The following NTN1 variants were observed in gnomAD, a reference collection of about 807,000 sequenced individuals.
The protein encoded by NTN1 is netrin-1.
NTN1 carries 11 observed loss-of-function variants against 54.2 expected under a neutral mutation model. That is an observed-to-expected ratio of 0.20 (90% CI 0.13 to 0.34). The LOEUF (loss-of-function observed/expected upper bound fraction) is 0.34. NTN1 is among the 10% of genes least tolerant of loss of function. The pLI, the probability that NTN1 is intolerant of heterozygous loss-of-function variation, is 1.00. For missense variants in NTN1, 740 were observed against 893.1 expected (o/e 0.83, Z 2.18); for synonymous variants, 371 against 382.0 (o/e 0.97, Z 0.33).
intron 2 of NTN1, among the ~76,000 whole-genome samples, chr17:9,150,054 T>C (rs2092322953): frequency 6.6e-6 from 1 of 152,018 alleles, no homozygotes. Context: ...ATACAAAAAT[T>C]AGCTCAGCAT....
chr17:9,109,203 T>A (rs997649104), intron 2 of NTN1, among the ~76,000 whole-genome samples: 3 of 152,228 alleles, frequency 2.0e-5, no homozygotes, highest in Non-Finnish European at 2.9e-5. Context: ...GACCTTTTTT[T>A]AAAATAATAA....
In NTN1 at chr17:9,239,350, C is replaced by T. The variant is rs1381163248; in HGVS notation, c.1487-290C>T. On this transcript the variant is annotated intron_variant, in intron 6 of 6. Coordinates refer to ENST00000173229, the MANE Select transcript of NTN1 (RefSeq NM_004822.3). This position sits in a 1 kb window ranked among gnomAD's most constrained non-coding sequence, Gnocchi z 5.2. ...CCCAGAGTGCTGGGGGCGTGGTCAG[C>T]ACCTGTAGGCTTCCTGGACAAAGTG... is the stretch of plus-strand genomic sequence containing the variant. Among the ~76,000 whole-genome samples, 1 of 152,212 alleles carries T rather than the reference C, an allele frequency of 6.6e-6. No individual in the cohort carries two copies. Among genetic ancestry groups the T allele is most frequent in the Non-Finnish European group, 1.5e-5 (1 of 68,028 alleles).
chr17:9,230,171 C>T (rs907547658), intron 6 of NTN1, among the ~76,000 whole-genome samples: 6 of 152,174 alleles, frequency 3.9e-5, no homozygotes, highest in Admixed American at 3.3e-4. Flanking sequence ...AGGTTATCAG[C>T]CCCTTTGTAG....
upstream of NTN1, among the ~76,000 whole-genome samples, chr17:9,019,078 G>A (rs2091837988): frequency 6.6e-6 from 1 of 152,140 alleles, no homozygotes; most frequent in Non-Finnish European, 1.5e-5. Context: ...GAAAGCTTAG[G>A]GACAAATTTG....
chr17:9,050,892 A>G (rs1380241156), intron 2 of NTN1, among the ~76,000 whole-genome samples: 1 of 152,136 alleles, frequency 6.6e-6, no homozygotes, highest in African/African-American at 2.4e-5. Context: ...CTGTGGTTCA[A>G]GCACCCAGAG....
chr17:9,064,248 C>T (rs1468708424), intron 2 of NTN1, among the ~76,000 whole-genome samples: 2 of 152,230 alleles, frequency 1.3e-5, no homozygotes, highest in Non-Finnish European at 2.9e-5. Flanking sequence ...CACTTCCTGG[C>T]CAGCCTTCTC....
intron 1 of NTN1, 42 bp from the exon 2 acceptor site, chr17:9,022,269 C>A (rs866532359): frequency 3.4e-6 from 4 of 1,185,796 alleles, no homozygotes; most frequent in African/African-American, 1.6e-5. Context: ...AGCTGGAGGG[C>A]GCGGGGCGGG....
At chr17:9,044,229 CG>C (rs2091933345) in intron 2 of NTN1, among the ~76,000 whole-genome samples, 1 of 98,192 alleles carries the variant, frequency 1.0e-5, no homozygotes, top group South Asian at 4.4e-4. Flanking sequence ...TTGCTGTTTC[CG>C]GTACTTTTTT....
At chr17:9,123,785 C>A (rs180880002) in intron 2 of NTN1, among the ~76,000 whole-genome samples, 1 of 152,236 alleles carries the variant, frequency 6.6e-6, no homozygotes, top group Admixed American at 6.5e-5. Context: ...ATTAAGTTTT[C>A]TCTTGGTTCC....
intron 5 of NTN1, among the ~76,000 whole-genome samples, chr17:9,197,982 C>T (rs971559817): frequency 2.6e-5 from 4 of 152,190 alleles, no homozygotes; most frequent in Admixed American, 2.0e-4. Context: ...ACTTACCCTT[C>T]CCTCTTCTTC....
chr17:9,006,853 T>C, the NTN1 span, among the ~76,000 whole-genome samples: 1 of 152,304 alleles, frequency 6.6e-6, no homozygotes, highest in East Asian at 1.9e-4. Context: ...AAGAAAGATA[T>C]ATTAGTAGCA....
intron 5 of NTN1, among the ~76,000 whole-genome samples, chr17:9,215,069 G>A (rs1905186238): frequency 6.6e-6 from 1 of 151,976 alleles, no homozygotes; most frequent in African/African-American, 2.4e-5. Context: ...GGGTTTTTCA[G>A]AAGCATTAGT....
Position 9,179,789 on chromosome 17 carries a change from AT to A in NTN1, c.1208-14del, listed in dbSNP as rs1567730654. On this transcript the variant is annotated splice_polypyrimidine_tract_variant and intron_variant, in intron 3 of 6. Coordinates refer to ENST00000173229, the MANE Select transcript of NTN1 (RefSeq NM_004822.3). ...CGCTTCCCCCTTGTCTGACCCTCCCATTTTGTGTTCTCTGCAGCCTGTGATT... is the reference window on the plus strand; with the variant it reads ...CGCTTCCCCCTTGTCTGACCCTCCCATTTGTGTTCTCTGCAGCCTGTGATT... 1 of 1,610,880 alleles carries A rather than the reference AT, an allele frequency of 6.2e-7. No homozygotes were observed. The highest frequency in any genetic ancestry group is 1.1e-5 in the South Asian group (1 of 90,444).
chr17:9,193,938 A>C lies in NTN1; in HGVS notation c.1411+10969A>C, dbSNP rs112132362. 7.0e-3 allele frequency among the ~76,000 whole-genome samples: 752 copies of C among 108,162 alleles called. 10 individuals are homozygous for C. The highest frequency in any genetic ancestry group is 0.014 in the African/African-American group (442 of 31,134). 71.0% of individuals were successfully genotyped at this position (108,162 alleles called of 152,430 possible). A position where few individuals can be genotyped will look rare whatever the true frequency, so the allele number is the denominator to read the frequency against. On this transcript the variant is annotated intron_variant, in intron 5 of 6. Transcript: ENST00000173229. ...CTCCGACTAAAAAAAAAAAAAAAAA[A>C]AAAAAACATTATGCAGGTTGGGCGC...
chr17:9,238,654 T>C (rs1906077756), intron 6 of NTN1, among the ~76,000 whole-genome samples: 1 of 152,246 alleles, frequency 6.6e-6, no homozygotes, highest in African/African-American at 2.4e-5. Flanking sequence ...TTAAAGGCTC[T>C]GAAAAGTCTT....
Position 9,065,257 on chromosome 17 carries a change from G to A in NTN1, c.1018+41866G>A, listed in dbSNP as rs371811131. Among the ~76,000 whole-genome samples the A allele has an allele frequency of 1.1e-4, 16 of 152,210 alleles. 2 individuals carry two copies. Among genetic ancestry groups the A allele is most frequent in the African/African-American group, 3.6e-4 (15 of 41,546 alleles). ...CAGCCTTATGTGATCTTGTTAAAAA[G>A]CAATACCCTTGCTATAAACCCAGAG... On this transcript the variant is annotated intron_variant, in intron 2 of 6. Coordinates refer to ENST00000173229, the MANE Select transcript of NTN1 (RefSeq NM_004822.3).
At chr17:9,107,099 G>A (rs527308409) in intron 2 of NTN1, among the ~76,000 whole-genome samples, 74 of 152,284 alleles carry the variant, frequency 4.9e-4, no homozygotes, top group Non-Finnish European at 7.9e-4. Flanking sequence ...ATTTACACTT[G>A]GGGTATTAGG....
At chr17:9,172,169 T>A (rs1384849857) in intron 3 of NTN1, among the ~76,000 whole-genome samples, 2 of 152,024 alleles carry the variant, frequency 1.3e-5, no homozygotes, top group East Asian at 3.9e-4. Flanking sequence ...ATTACAGATG[T>A]GAGCCACTGC....
chr17:9,091,403 A>T (rs1044178810), intron 2 of NTN1, among the ~76,000 whole-genome samples: 1 of 151,162 alleles, frequency 6.6e-6, no homozygotes, highest in Non-Finnish European at 1.5e-5. Context: ...TACAGGCTCA[A>T]GCCACAGTGC....
Sources: gnomAD v4.1 joint callset for allele counts (sites outside exome capture counted in the v4.1 genomes callset) on GRCh38, gnomAD v4.1.1 for gene constraint, Gnocchi (gnomAD v3.1) non-coding constraint, MANE v1.5 for transcripts, NCBI Gene and HGNC (gene_info 2026-07-23, HGNC 2026-07-21) for gene names.